The following PLXND1 variants were observed in gnomAD, a reference collection of about 807,000 sequenced individuals.
PLXND1 encodes plexin-D1.
A neutral mutation model predicts 197.7 loss-of-function variants in PLXND1; 54 were observed. The ratio of observed to expected loss-of-function variants is 0.27; its 90% CI spans 0.22 to 0.34. The LOEUF (loss-of-function observed/expected upper bound fraction) is 0.34, where lower values mean the gene tolerates loss of function less well. PLXND1 is among the 10% of genes least tolerant of loss of function. The pLI is 1.00. For synonymous variants in PLXND1, 1,180 were observed against 1,161.2 expected, an observed-to-expected ratio of 1.02 and a Z score of -0.33; for missense variants, 2,127 against 2,699.2, an observed-to-expected ratio of 0.79 and a Z score of 4.70.
At chr3:129,579,645 C>T (rs1367933605) in intron 8 of PLXND1, among the ~76,000 whole-genome samples, 1 of 152,168 alleles carries the variant, frequency 6.6e-6, no homozygotes, top group Non-Finnish European at 1.5e-5. Flanking sequence ...CAGCCACACC[C>T]ATGCCAAGGG....
chr3:129,565,742 G>T, intron 24 of PLXND1, 145 bp downstream of exon 24: 1 of 958,318 alleles, frequency 1.0e-6, no homozygotes, highest in Non-Finnish European at 1.5e-6. Context: ...TGCCCCGTGA[G>T]CCAAGGTCTT....
At chr3:129,596,147 T>C (rs983472806) in intron 1 of PLXND1, among the ~76,000 whole-genome samples, 1 of 152,036 alleles carries the variant, frequency 6.6e-6, no homozygotes, top group Non-Finnish European at 1.5e-5. Context: ...CTAAGCACTG[T>C]AGGTGCTCAA....
intron 20 of PLXND1, chr3:129,569,578 G>A: frequency 2.2e-6 from 1 of 454,436 alleles, no homozygotes; most frequent in Non-Finnish European, 4.0e-6. Flanking sequence ...TGGAGAACAT[G>A]GTTCCAAATT....
chr3:129,596,515 C>T (rs1339303737), intron 1 of PLXND1, among the ~76,000 whole-genome samples: 1 of 152,112 alleles, frequency 6.6e-6, no homozygotes, highest in Non-Finnish European at 1.5e-5. Context: ...GGGCAGCCAG[C>T]GGCTCTTCCC....
Position 129,557,369 on chromosome 3 carries a change from G to T in PLXND1, c.5446-146C>A. The T allele has an allele frequency of 1.2e-6, 1 of 818,764 alleles. No homozygotes were observed. 50.7% of individuals were successfully genotyped at this position (818,764 alleles called of 1,614,324 possible). On this transcript the variant is annotated intron_variant, in intron 33 of 35. Coordinates refer to ENST00000324093, the MANE Select transcript of PLXND1 (RefSeq NM_015103.3). This position sits in a 1 kb window ranked among gnomAD's most constrained non-coding sequence, Gnocchi z 4.8. ...AAAGAGTCTCACCCGGTCACTGAACGTCCCCGCACTCAGCCGGCCCCAGAC... is the reference window on the plus strand; with the variant it reads ...AAAGAGTCTCACCCGGTCACTGAACTTCCCCGCACTCAGCCGGCCCCAGAC...
intron 1 of PLXND1, among the ~76,000 whole-genome samples, chr3:129,595,921 G>GCGCACACACACACACACA (rs138452605): frequency 0.016 from 2,380 of 146,422 alleles, 30 homozygotes; most frequent in Middle Eastern, 0.035. Context: ...GTGCACGCAC[G>GCGCACACACACACACACA]CACACACACA....
chr3:129,575,642 T>A (rs1446365701), intron 10 of PLXND1, 80 bp from the exon 11 acceptor site: 14 of 1,267,372 alleles, frequency 1.1e-5, no homozygotes, highest in Non-Finnish European at 1.6e-5. Context: ...TGGAGGCAGA[T>A]GAAGTTGGGG....
rs1429234374 is a variant in PLXND1 at position 129,563,255 on chromosome 3, G to A, written c.4522-15C>T. ...CCCACCGTCTCCTGAGGGGCACGGG[G>A]GTATCAGGGCCAAGGCCCCCTCTGT... On this transcript the variant is annotated splice_polypyrimidine_tract_variant and intron_variant, in intron 25 of 35. Transcript: ENST00000324093. 1.2e-6 allele frequency: 2 copies of A among 1,601,010 alleles called. No individual in the cohort carries two copies. Among genetic ancestry groups the A allele is most frequent in the Non-Finnish European group, 1.7e-6 (2 of 1,173,744 alleles).
chr3:129,559,820 C>T (rs1295889711), intron 31 of PLXND1, 37 bp from the exon 32 acceptor site: 4 of 1,548,580 alleles, frequency 2.6e-6, no homozygotes, highest in Non-Finnish European at 3.5e-6. Flanking sequence ...CAGCCCCGGG[C>T]CACGTGCAGA....
chr3:129,560,754 C>A (rs2713627), intron 29 of PLXND1, 31 bp from the exon 30 acceptor site: 1 of 1,323,624 alleles, frequency 7.6e-7, no homozygotes, highest in Admixed American at 1.7e-5. Flanking sequence ...TAAATAAACA[C>A]GGGAGAGGAG....
intron 23 of PLXND1, 135 bp downstream of exon 23, chr3:129,566,392 A>C: frequency 1.5e-6 from 1 of 678,270 alleles, no homozygotes; most frequent in East Asian, 2.7e-5. Context: ...TGGAGGGCTC[A>C]GTACCTTACA....
intron 18 of PLXND1, 24 bp downstream of exon 18, chr3:129,571,016 T>A: frequency 6.2e-7 from 1 of 1,612,900 alleles, no homozygotes; most frequent in Non-Finnish European, 8.5e-7. Flanking sequence ...TGCCCCCGCC[T>A]ACCCCGGCCC....
chr3:129,570,939 TG>T lies in PLXND1; in HGVS notation c.3601-5del. The stretch of plus-strand genomic sequence containing the variant: ...GCCCCAGGCTGTCCTGCTCCTTCTG[TG>T]GGTGCAAAGGGGGAGGATGCTCATG... On this transcript the variant is annotated splice_region_variant and splice_polypyrimidine_tract_variant and intron_variant, in intron 18 of 35. Coordinates refer to ENST00000324093, the MANE Select transcript of PLXND1 (RefSeq NM_015103.3). 6.2e-7 allele frequency: 1 copy of T among 1,614,168 alleles called. No homozygotes were observed. Among genetic ancestry groups the T allele is most frequent in the Non-Finnish European group, 8.5e-7 (1 of 1,180,026 alleles).
In PLXND1 at chr3:129,571,769, G is replaced by A. The variant is rs151241774; in HGVS notation, c.3153C>T (p.Phe1051=). Residue 1051 remains phenylalanine (F), a synonymous_variant, in exon 16 of 36, where the codon TTC becomes TTT. Transcript: ENST00000324093. Reference sequence around the variant, plus strand: ...TGCCGTGCACGCAGCCCCGACGCTCGAAGCGCACACACACAGGCACCGGAG... The same window carrying A: ...TGCCGTGCACGCAGCCCCGACGCTCAAAGCGCACACACACAGGCACCGGAG... ...LPAPVPVCVR[F]ERRGCVHGNL... is the part of the protein sequence containing the mutation. 8.0e-5 allele frequency: 129 copies of A among 1,613,356 alleles called. No individual in the cohort carries two copies. Among genetic ancestry groups the A allele is most frequent in the African/African-American group, 4.1e-4 (31 of 75,030 alleles).
chr3:129,561,866 C>G lies in PLXND1; in HGVS notation c.4863G>C (p.Arg1621=). 1 of 1,613,976 alleles carries G rather than the reference C, an allele frequency of 6.2e-7. No individual in the cohort carries two copies. ...FASSTQSYIL[R]DLDDTSVVED... is the part of the protein sequence containing the mutation. ...CCACCACTGAGGTGTCGTCCAGGTC[C>G]CGAAGGATGTAGCTCTGTGTGCTGG... The change falls in exon 28 of 36, where the codon CGG becomes CGC. Residue 1621 remains arginine (R), a synonymous_variant. Transcript: ENST00000324093.
intron 11 of PLXND1, among the ~76,000 whole-genome samples, 188 bp downstream of exon 11, chr3:129,575,281 G>T (rs1389754113): frequency 2.0e-5 from 3 of 152,162 alleles, no homozygotes; most frequent in African/African-American, 7.2e-5. Context: ...AACTATGCAC[G>T]GAGACCCCAA....
At chr3:129,597,491 C>A (rs544355130) in intron 1 of PLXND1, among the ~76,000 whole-genome samples, 672 of 151,714 alleles carry the variant, frequency 4.4e-3, no homozygotes, top group Non-Finnish European at 6.9e-3. Context: ...GGGCCCCCCC[C>A]CATTATTTAC....
In PLXND1 at chr3:129,606,107, C is replaced by T; in HGVS notation, c.533G>A (p.Ser178Asn). The T allele has an allele frequency of 1.3e-6, 2 of 1,541,770 alleles. No homozygotes were observed. The highest frequency in any genetic ancestry group is 1.7e-6 in the Non-Finnish European group (2 of 1,150,582). Residue 178 changes from serine (S) to asparagine (N), a missense_variant, in exon 1 of 36, where the codon AGC becomes AAC. By Grantham distance (46) the Ser-to-Asn change is conservative. Coordinates refer to ENST00000324093, the MANE Select transcript of PLXND1 (RefSeq NM_015103.3). Reference protein sequence around the residue: ...PPAEPVTVFPSMLNVAANHPN... With the variant: ...PPAEPVTVFPNMLNVAANHPN... The stretch of plus-strand genomic sequence containing the variant: ...GTGGTTGGCCGCCACGTTCAGCATG[C>T]TGGGGAACACCGTGACGGGCTCGGC...
chr3:129,562,826 G>A lies in PLXND1; in HGVS notation c.4786C>T (p.Pro1596Ser). ...KILEAFCKNVPYSQWPRAEDV... is the reference protein window; with the variant it reads ...KILEAFCKNVSYSQWPRAEDV... The stretch of plus-strand genomic sequence containing the variant: ...TCTGCACGCGGCCACTGGGAGTAGG[G>A]CACATTCTTGCAGAAGGCCTCCAGG... Residue 1596 changes from proline (P) to serine (S), a missense_variant, in exon 27 of 36, where the codon CCC (proline) becomes TCC (serine). Pro to Ser is a moderately conservative substitution (Grantham distance 74). Around this residue, in one of 6 missense-constraint regions of PLXND1, gnomAD observed 532 missense variants for 811.0 expected, o/e 0.66. Coordinates refer to ENST00000324093, the MANE Select transcript of PLXND1 (RefSeq NM_015103.3). 6.2e-7 allele frequency: 1 copy of A among 1,610,700 alleles called. No individual in the cohort carries two copies. The highest frequency in any genetic ancestry group is 8.5e-7 in the Non-Finnish European group (1 of 1,177,200).
Sources: gnomAD v4.1 joint callset for allele counts (sites outside exome capture counted in the v4.1 genomes callset) on GRCh38, gnomAD v4.1.1 for gene constraint, gnomAD v4.1.1 regional missense constraint, Gnocchi (gnomAD v3.1) non-coding constraint, MANE v1.5 for transcripts, NCBI Gene and HGNC (gene_info 2026-07-23, HGNC 2026-07-21) for gene names.